EYA1: variants seen among roughly 807,000 people sequenced by gnomAD.
The protein encoded by EYA1 is EYA transcriptional coactivator and phosphatase 1.
Under a neutral mutation model 82.0 loss-of-function variants are expected in EYA1, and 16 were observed. The observed-to-expected ratio is 0.20, with a 90% CI of 0.13 to 0.30. The LOEUF (loss-of-function observed/expected upper bound fraction) is 0.30, where lower values mean the gene tolerates loss of function less well. Ranked by LOEUF, EYA1 falls within the 10% of genes least tolerant of loss-of-function variation. The pLI is 1.00. For missense variants in EYA1, 633 were observed against 730.7 expected (o/e 0.87, Z 1.54); for synonymous variants, 261 against 264.4 (o/e 0.99, Z 0.12).
intron 12 of EYA1, among the ~76,000 whole-genome samples, chr8:71,227,955 A>G (rs1017287117): frequency 6.6e-6 from 1 of 152,200 alleles, no homozygotes; most frequent in Admixed American, 6.5e-5. Flanking sequence ...GAAACACTCA[A>G]TTTTGCATAA....
At position 71,388,457 on chromosome 8, in the gene EYA1, G is replaced by A. The variant is rs560233344; in HGVS notation, c.34-31946C>T. On this transcript the variant is annotated intron_variant, in intron 2 of 18. Coordinates refer to the EYA1 transcript ENST00000643681. ...TGAGGGTGACCAGAGTTTTTCGGTT[G>A]TCTGTGAAGAACTTTACAAGGTGCT... 2.6e-5 allele frequency among the ~76,000 whole-genome samples: 4 copies of A among 152,276 alleles called. No homozygotes were observed. In the East Asian group the frequency reaches 7.7e-4, roughly 29 times the overall value.
chr8:71,429,102 C>T (rs181038065), intron 2 of EYA1, among the ~76,000 whole-genome samples: 37 of 152,224 alleles, frequency 2.4e-4, no homozygotes, highest in African/African-American at 7.9e-4. Context: ...AAATGCAATG[C>T]CTCATATTGC....
At chr8:71,252,359 T>TAA (rs1813851505) in intron 11 of EYA1, among the ~76,000 whole-genome samples, 1 of 151,970 alleles carries the variant, frequency 6.6e-6, no homozygotes, top group African/African-American at 2.4e-5. Flanking sequence ...AGGTATTCCT[T>TAA]TACAACAATG....
At chr8:71,412,689 G>T (rs1264534546) in intron 2 of EYA1, among the ~76,000 whole-genome samples, 1 of 151,846 alleles carries the variant, frequency 6.6e-6, no homozygotes, top group Admixed American at 6.5e-5. Flanking sequence ...CCATAATAGA[G>T]AGTTAAAAGA....
chr8:71,520,116 CT>C (rs1813274969), intron 2 of EYA1, among the ~76,000 whole-genome samples: 1 of 152,176 alleles, frequency 6.6e-6, no homozygotes, highest in Admixed American at 6.5e-5. Context: ...TAAAATAAAA[CT>C]TCCAGCAGGA....
At chr8:71,258,352 T>C (rs973631388) in intron 11 of EYA1, among the ~76,000 whole-genome samples, 3 of 152,190 alleles carry the variant, frequency 2.0e-5, no homozygotes, top group South Asian at 2.1e-4. Context: ...GGAGTCCATA[T>C]AGCCCTGGAG....
chr8:71,401,514 A>ACATATTAGCATATG (rs1217702378), intron 2 of EYA1, among the ~76,000 whole-genome samples: 1 of 152,200 alleles, frequency 6.6e-6, no homozygotes, highest in Non-Finnish European at 1.5e-5. Context: ...TTCCTCTGAA[A>ACATATTAGCATATG]CATATTAGCA....
chr8:71,260,642 A>T (rs1209409563), intron 11 of EYA1, among the ~76,000 whole-genome samples: 1 of 152,226 alleles, frequency 6.6e-6, no homozygotes, highest in African/African-American at 2.4e-5. Flanking sequence ...TCCTCAGGAT[A>T]TGCTACCTAC....
chr8:71,542,837 G>A (rs545363309), intron 1 of EYA1, among the ~76,000 whole-genome samples: 2 of 152,244 alleles, frequency 1.3e-5, no homozygotes, highest in South Asian at 4.2e-4. Flanking sequence ...TTCTTCATAT[G>A]ATTTTTGGCT....
intron 2 of EYA1, among the ~76,000 whole-genome samples, chr8:71,455,481 CT>C (rs950244408): frequency 2.0e-5 from 3 of 152,150 alleles, no homozygotes; most frequent in African/African-American, 7.2e-5. Flanking sequence ...ACCAATACCC[CT>C]GATGAACATC....
At chr8:71,211,024 G>A (rs545021683) in intron 17 of EYA1, 132 bp downstream of exon 17, 155 of 727,674 alleles carry the variant, frequency 2.1e-4, no homozygotes, top group South Asian at 2.0e-3. Context: ...ACTTTACCCT[G>A]TTCAGTGCTT....
rs558102648 is a variant in EYA1 at position 71,402,133 on chromosome 8, T to C, written c.34-45622A>G. Among the ~76,000 whole-genome samples, 55 of 152,302 alleles carry C rather than the reference T, an allele frequency of 3.6e-4. 1 individual carries two copies. In the South Asian group the frequency reaches 0.01, roughly 29 times the overall value. On this transcript the variant is annotated intron_variant, in intron 2 of 18. Coordinates refer to the EYA1 transcript ENST00000643681. The stretch of plus-strand genomic sequence containing the variant: ...CTCCAAGGCTGTACATTTGATAGGA[T>C]TGAGCCATTTGAGAACCAGATGCAC...
intron 2 of EYA1, among the ~76,000 whole-genome samples, chr8:71,426,453 G>A (rs1260812216): frequency 6.6e-6 from 1 of 152,236 alleles, no homozygotes; most frequent in Non-Finnish European, 1.5e-5. Context: ...AGAAAGACTT[G>A]GGAGATCAGG....
chr8:71,349,046 T>C (rs1473006496), intron 3 of EYA1, among the ~76,000 whole-genome samples: 2 of 152,162 alleles, frequency 1.3e-5, no homozygotes, highest in African/African-American at 4.8e-5. Context: ...TGATTTCCCA[T>C]CTCCATTTGA....
chr8:71,375,111 A>G (rs922307189), intron 2 of EYA1, among the ~76,000 whole-genome samples: 2 of 152,142 alleles, frequency 1.3e-5, no homozygotes, highest in Non-Finnish European at 2.9e-5. Flanking sequence ...ACCGCATTGT[A>G]TACTGAAAAT....
chr8:71,247,744 C>T (rs1330724022), intron 11 of EYA1, among the ~76,000 whole-genome samples: 1 of 152,000 alleles, frequency 6.6e-6, no homozygotes, highest in African/African-American at 2.4e-5. Flanking sequence ...TCAAATAGAC[C>T]CTACAGCTGA....
intron 3 of EYA1, among the ~76,000 whole-genome samples, chr8:71,335,086 C>T (rs1403245608): frequency 6.6e-6 from 1 of 152,182 alleles, no homozygotes; most frequent in Non-Finnish European, 1.5e-5. Context: ...GTGCCATCAT[C>T]AGAATTTGCC....
intron 2 of EYA1, among the ~76,000 whole-genome samples, chr8:71,440,295 TA>T (rs1169153620): frequency 6.6e-6 from 1 of 152,190 alleles, no homozygotes. Flanking sequence ...GGTTTTGTGA[TA>T]GGGGCATGAC....
chr8:71,417,911 C>T (rs969330909), intron 2 of EYA1, among the ~76,000 whole-genome samples: 4 of 152,314 alleles, frequency 2.6e-5, no homozygotes, highest in South Asian at 2.1e-4. Context: ...CCTTTTCTTT[C>T]CTAAGTTAGA....
Sources: allele counts gnomAD v4.1 joint callset (sites outside exome capture counted in the v4.1 genomes callset), GRCh38; gene constraint gnomAD v4.1.1; transcripts MANE v1.5; gene names NCBI Gene and HGNC (gene_info 2026-07-23, HGNC 2026-07-21).